PACSIN2: variants seen among roughly 807,000 people sequenced by gnomAD.
The protein encoded by PACSIN2 is protein kinase C and casein kinase substrate in neurons protein 2.
In PACSIN2, 25 loss-of-function variants were observed where a neutral mutation model predicts 63.8. That is an observed-to-expected ratio of 0.39 (90% CI 0.29 to 0.55). The LOEUF (loss-of-function observed/expected upper bound fraction) is 0.55. Ranked by LOEUF, PACSIN2 falls within the 20% of genes least tolerant of loss-of-function variation. The probability of loss-of-function intolerance (pLI) is 0.62; values close to 1 mark genes in which losing one functional copy is unlikely to be tolerated. For missense variants in PACSIN2, 518 were observed against 646.9 expected (o/e 0.80, Z 2.16); for synonymous variants, 255 against 256.2 (o/e 1.00, Z 0.05).
intron 1 of PACSIN2, among the ~76,000 whole-genome samples, chr22:42,954,811 G>C (rs369341550): frequency 6.6e-6 from 1 of 152,144 alleles, no homozygotes; most frequent in African/African-American, 2.4e-5. Context: ...GATGGGGGCA[G>C]GGATTCAAAG....
At position 42,988,554 on chromosome 22, in the gene PACSIN2, T is replaced by C. The variant is rs374527517; in HGVS notation, c.-78+26467A>G. Among the ~76,000 whole-genome samples the C allele has an allele frequency of 2.0e-5, 3 of 152,362 alleles. No homozygotes were observed. The South Asian group carries it at 6.2e-4, about 32-fold the overall frequency. On this transcript the variant is annotated intron_variant, in intron 1 of 10. Transcript: ENST00000263246. ...AGGCTTAGGGTCCACTGGCCAAAAG[T>C]ATAACTGCTCCTAACTACAGCAGCT...
intron 1 of PACSIN2, among the ~76,000 whole-genome samples, chr22:43,007,329 C>T (rs1924158371): frequency 6.6e-6 from 1 of 151,964 alleles, no homozygotes; most frequent in Non-Finnish European, 1.5e-5. Flanking sequence ...GATTCTCCTG[C>T]CTCAGCCTCC....
chr22:42,982,826 C>T (rs1026490859), intron 1 of PACSIN2, among the ~76,000 whole-genome samples: 26 of 134,198 alleles, frequency 1.9e-4, no homozygotes, highest in Non-Finnish European at 3.4e-4. Context: ...GTCCTATGAC[C>T]CTGCCAAATC....
intron 2 of PACSIN2, among the ~76,000 whole-genome samples, chr22:42,901,615 G>A (rs1389947158): frequency 1.3e-5 from 2 of 152,212 alleles, no homozygotes; most frequent in African/African-American, 4.8e-5. Flanking sequence ...CAGGATAGGA[G>A]GGGTTTACAC....
intron 1 of PACSIN2, among the ~76,000 whole-genome samples, chr22:42,936,918 G>GC (rs1491410989): frequency 7.9e-6 from 1 of 127,248 alleles, no homozygotes; most frequent in Non-Finnish European, 1.8e-5. Context: ...CTCAAAAAAA[G>GC]GGGGGGGGGC....
At chr22:42,919,447 C>T (rs1179547654) in intron 1 of PACSIN2, among the ~76,000 whole-genome samples, 2 of 152,182 alleles carry the variant, frequency 1.3e-5, no homozygotes, top group African/African-American at 4.8e-5. Flanking sequence ...GACTGTCTGG[C>T]ACCCAGTGGT....
chr22:42,982,398 G>A (rs1244174610), intron 1 of PACSIN2, among the ~76,000 whole-genome samples: 1 of 101,462 alleles, frequency 9.9e-6, no homozygotes, highest in Non-Finnish European at 2.0e-5. Context: ...TTGGGGATGG[G>A]CCATGATGAC....
intron 2 of PACSIN2, among the ~76,000 whole-genome samples, chr22:42,896,145 T>C (rs1487189277): frequency 2.6e-5 from 4 of 152,206 alleles, no homozygotes; most frequent in Non-Finnish European, 4.4e-5. Flanking sequence ...CCATCTCTCA[T>C]GAAGTGCCTT....
At chr22:42,958,028 C>T (rs1933985729) in intron 1 of PACSIN2, among the ~76,000 whole-genome samples, 1 of 150,066 alleles carries the variant, frequency 6.7e-6, no homozygotes, top group Non-Finnish European at 1.5e-5. Flanking sequence ...GTACTTACAG[C>T]AAAAAAGTTA....
chr22:42,912,796 G>A (rs775438146), intron 1 of PACSIN2, among the ~76,000 whole-genome samples: 8 of 152,170 alleles, frequency 5.3e-5, no homozygotes, highest in Non-Finnish European at 1.0e-4. Context: ...GTCCGCAGCC[G>A]AGATGAAACT....
chr22:43,004,045 TTC>T (rs1374127141), intron 1 of PACSIN2, among the ~76,000 whole-genome samples: 8 of 152,234 alleles, frequency 5.3e-5, no homozygotes, highest in Non-Finnish European at 1.0e-4. Flanking sequence ...ATGTCTATGT[TTC>T]TCAGAGGTGG....
chr22:42,944,656 C>CA (rs1933328333), intron 1 of PACSIN2, among the ~76,000 whole-genome samples: 1 of 152,156 alleles, frequency 6.6e-6, no homozygotes, highest in Admixed American at 6.5e-5. Context: ...GTCAGCTGCT[C>CA]AAAGCTAAGA....
intron 1 of PACSIN2, among the ~76,000 whole-genome samples, chr22:42,969,003 T>G (rs1340855856): frequency 1.3e-5 from 2 of 151,372 alleles, no homozygotes; most frequent in Admixed American, 6.6e-5. Flanking sequence ...TACAACCATG[T>G]GAGCCAATTC....
intron 7 of PACSIN2, among the ~76,000 whole-genome samples, chr22:42,881,301 C>T (rs898580361): frequency 5.3e-5 from 8 of 152,188 alleles, no homozygotes; most frequent in Non-Finnish European, 7.3e-5. Flanking sequence ...TAACAGCCCC[C>T]GACAGGAGAT....
intron 4 of PACSIN2, 102 bp from the exon 5 acceptor site, chr22:42,888,900 G>T (rs766427950): frequency 8.5e-7 from 1 of 1,182,364 alleles, no homozygotes; most frequent in East Asian, 2.3e-5. Context: ...CAAGAGGGGA[G>T]AAAAAGGCAG....
chr22:42,921,846 C>G (rs1386505727), intron 1 of PACSIN2, among the ~76,000 whole-genome samples: 1 of 151,802 alleles, frequency 6.6e-6, no homozygotes, highest in East Asian at 1.9e-4. Context: ...TCAGGCGATT[C>G]TCCTGCCTCA....
intron 1 of PACSIN2, among the ~76,000 whole-genome samples, chr22:43,001,307 C>A (rs1923751141): frequency 6.6e-6 from 1 of 152,202 alleles, no homozygotes; most frequent in Non-Finnish European, 1.5e-5. Flanking sequence ...TTCCATGAAG[C>A]CCCTGCCAGA....
At chr22:42,934,359 G>C (rs886505158) in intron 1 of PACSIN2, among the ~76,000 whole-genome samples, 5 of 152,244 alleles carry the variant, frequency 3.3e-5, no homozygotes, top group Admixed American at 3.3e-4. Flanking sequence ...TGTGTGTGCA[G>C]ATCGCCTTTT....
In PACSIN2 at chr22:42,911,976, A is replaced by G. The variant is rs758968234; in HGVS notation, c.60+45T>C. 4.9e-6 allele frequency: 7 copies of G among 1,440,062 alleles called. No individual in the cohort carries two copies. In the Admixed American group the frequency reaches 1.3e-4, roughly 27 times the overall value. The allele number at this position is 1,440,062 out of a possible 1,614,324, so 89.2% of individuals were successfully genotyped here. On this transcript the variant is annotated intron_variant, in intron 2 of 10. Coordinates refer to ENST00000263246, the MANE Select transcript of PACSIN2 (RefSeq NM_001184970.3). ...AAAACCAAAGGGCCTGCCAGACACT[A>G]TTGGCCTGGCCACTTCATTCACTGG...
Sources: gnomAD v4.1 joint callset for allele counts (sites outside exome capture counted in the v4.1 genomes callset) on GRCh38, gnomAD v4.1.1 for gene constraint, MANE v1.5 for transcripts, NCBI Gene and HGNC (gene_info 2026-07-23, HGNC 2026-07-21) for gene names.